AGFG1: variants seen among roughly 807,000 people sequenced by gnomAD.
AGFG1 encodes the protein arf-GAP domain and FG repeat-containing protein 1.
A neutral mutation model predicts 60.6 loss-of-function variants in AGFG1; 10 were observed. That is an observed-to-expected ratio of 0.16 (90% CI 0.10 to 0.28). The LOEUF (loss-of-function observed/expected upper bound fraction) is 0.28, where lower values mean the gene tolerates loss of function less well. AGFG1 is among the 10% of genes least tolerant of loss of function. AGFG1 has a pLI of 1.00. For synonymous variants in AGFG1, 247 were observed against 242.9 expected (o/e 1.02, Z -0.16); for missense variants, 537 against 676.5 (o/e 0.79, Z 2.29).
intron 10 of AGFG1, among the ~76,000 whole-genome samples, chr2:227,545,228 C>A (rs1692610047): frequency 6.6e-6 from 1 of 152,070 alleles, no homozygotes; most frequent in Non-Finnish European, 1.5e-5. Context: ...TCACTGGTAC[C>A]CTTTCTTCCA....
intron 10 of AGFG1, among the ~76,000 whole-genome samples, chr2:227,550,493 G>A (rs1692786508): frequency 1.3e-5 from 2 of 152,098 alleles, no homozygotes; most frequent in Admixed American, 1.3e-4. Context: ...GCTTTTAAGT[G>A]CTCTCTTAAA....
At chr2:227,477,682 T>G (rs560680082) in intron 1 of AGFG1, among the ~76,000 whole-genome samples, 2 of 152,246 alleles carry the variant, frequency 1.3e-5, no homozygotes, top group Admixed American at 1.3e-4. Context: ...CTCACCTCAC[T>G]GCAACCTCCA....
chr2:227,504,290 T>C (rs1691247788), intron 2 of AGFG1, among the ~76,000 whole-genome samples: 1 of 151,596 alleles, frequency 6.6e-6, no homozygotes, highest in African/African-American at 2.4e-5. Flanking sequence ...CTTCCTGGGC[T>C]CAGGTGACTC....
At chr2:227,518,924 G>A (rs1381531105) in intron 2 of AGFG1, among the ~76,000 whole-genome samples, 2 of 152,156 alleles carry the variant, frequency 1.3e-5, no homozygotes, top group Non-Finnish European at 2.9e-5. Context: ...TGTAATCCCA[G>A]CACTTTGGGA....
At chr2:227,497,361 T>G (rs1691005138) in intron 2 of AGFG1, among the ~76,000 whole-genome samples, 1 of 152,162 alleles carries the variant, frequency 6.6e-6, no homozygotes, top group South Asian at 2.1e-4. Flanking sequence ...AGCAGAAATG[T>G]TTTAACTACA....
chr2:227,489,746 G>C (rs1200464245), intron 1 of AGFG1, among the ~76,000 whole-genome samples: 1 of 152,074 alleles, frequency 6.6e-6, no homozygotes, highest in Non-Finnish European at 1.5e-5. Flanking sequence ...ACATTTATCT[G>C]TGACAAGGGG....
chr2:227,528,402 A>C (rs1465930480), intron 5 of AGFG1, among the ~76,000 whole-genome samples: 2 of 152,104 alleles, frequency 1.3e-5, no homozygotes, highest in Non-Finnish European at 2.9e-5. Context: ...CCCAGAAAAC[A>C]TGGAGAACCT....
intron 3 of AGFG1, among the ~76,000 whole-genome samples, chr2:227,523,239 A>G (rs941326113): frequency 6.6e-6 from 1 of 152,166 alleles, no homozygotes; most frequent in African/African-American, 2.4e-5. Context: ...AAGTGTTTTC[A>G]TTTTTGTGTC....
In AGFG1 at chr2:227,531,186, T is replaced by A. The variant is rs145098784; in HGVS notation, c.790T>A (p.Ser264Thr). Residue 264 changes from serine (S) to threonine (T), a missense_variant, in exon 6 of 13, where the codon TCT becomes ACT. Physicochemically the swap from Ser to Thr is moderately conservative, Grantham distance 58 (BLOSUM62 1). Coordinates refer to ENST00000310078, the MANE Select transcript of AGFG1 (RefSeq NM_004504.5). ...NFGGFPTASHSPFQPQTTGGS... is the reference protein window; with the variant it reads ...NFGGFPTASHTPFQPQTTGGS... ...TGGAGGTTTCCCCACAGCAAGTCAC[T>A]CTCCTTTTCAGCCCCAAACTACAGG... The A allele has an allele frequency of 7.0e-4, 1,131 of 1,613,710 alleles. 2 individuals carry two copies. Among genetic ancestry groups the A allele is most frequent in the Non-Finnish European group, 9.2e-4 (1,083 of 1,179,788 alleles).
At position 227,531,136 on chromosome 2, in the gene AGFG1, G is replaced by A; in HGVS notation, c.740G>A (p.Gly247Glu). The A allele has an allele frequency of 6.2e-7, 1 of 1,613,496 alleles. No individual in the cohort carries two copies. The highest frequency in any genetic ancestry group is 1.1e-5 in the South Asian group (1 of 91,010). ...NADFANFDAF[G>E]QSSGSSNFGG... The stretch of plus-strand genomic sequence containing the variant: ...GATTTTGCAAACTTTGATGCATTTG[G>A]ACAGTCTAGTGGTTCGAGTAATTTT... The change falls in exon 6 of 13, where the codon GGA becomes GAA. Residue 247 changes from glycine (G) to glutamate (E), a missense_variant. Around this residue, in one of 4 missense-constraint regions of AGFG1, gnomAD observed 287 missense variants for 343.6 expected, o/e 0.84. Coordinates refer to ENST00000310078, the MANE Select transcript of AGFG1 (RefSeq NM_004504.5).
rs369466398 is a variant in AGFG1, at chr2:227,508,442, C to G, written c.262-11506C>G. 16 of 288,940 alleles carry G rather than the reference C, an allele frequency of 5.5e-5. No homozygotes were observed. In the East Asian group the frequency reaches 1.2e-3, roughly 22 times the overall value. 17.9% of individuals were successfully genotyped at this position (288,940 alleles called of 1,614,324 possible). On this transcript the variant is annotated intron_variant, in intron 2 of 12. Coordinates refer to ENST00000310078, the MANE Select transcript of AGFG1 (RefSeq NM_004504.5). ...GGTTATATGACCAAACAAGCTAGCC[C>G]TCTTCTGCTACTCCCTTGCTCAACT...
chr2:227,509,890 C>T (rs1039634841), intron 2 of AGFG1, among the ~76,000 whole-genome samples: 1 of 151,992 alleles, frequency 6.6e-6, no homozygotes. Flanking sequence ...TGGAAGAAGT[C>T]ACAAAGTAAA....
intron 2 of AGFG1, among the ~76,000 whole-genome samples, chr2:227,494,763 G>T (rs1690926688): frequency 6.6e-6 from 1 of 152,170 alleles, no homozygotes; most frequent in Non-Finnish European, 1.5e-5. Context: ...CTTAATACTT[G>T]CATTGTAGTT....
intron 2 of AGFG1, among the ~76,000 whole-genome samples, chr2:227,495,545 CA>C (rs1215021284): frequency 0.053 from 4,759 of 90,068 alleles, 85 homozygotes; most frequent in Middle Eastern, 0.2. Flanking sequence ...GATACTGTCT[CA>C]AAAAAAAAAA....
Position 227,554,707 on chromosome 2 carries a change from C to CGGTA in AGFG1, c.*213_*216dup. On this transcript the variant is annotated 3_prime_UTR_variant, in exon 13 of 13. Transcript: ENST00000310078. ...CCTGTGAATTGGCAGAAAAGGGTAG[C>CGGTA]GGTATCATGTATATTAAAATTGGCT... 2.2e-6 allele frequency: 1 copy of CGGTA among 455,046 alleles called. No homozygotes were observed. Among genetic ancestry groups the CGGTA allele is most frequent in the Non-Finnish European group, 3.9e-6 (1 of 255,888 alleles). The allele number at this position is 455,046 out of a possible 1,614,324, so 28.2% of individuals were successfully genotyped here.
intron 2 of AGFG1, among the ~76,000 whole-genome samples, chr2:227,505,948 T>C (rs562730493): frequency 5.3e-5 from 8 of 152,282 alleles, no homozygotes; most frequent in African/African-American, 1.9e-4. Flanking sequence ...TTCACTGTCT[T>C]GGCCAGGCTG....
At chr2:227,487,536 C>G (rs80252209) in intron 1 of AGFG1, among the ~76,000 whole-genome samples, 7,568 of 152,166 alleles carry the variant, frequency 0.05, 244 homozygotes, top group African/African-American at 0.075. Context: ...TGAAGTGTTT[C>G]TGATGTTTTC....
chr2:227,494,109 G>A (rs1409551948), intron 2 of AGFG1, among the ~76,000 whole-genome samples: 2 of 152,160 alleles, frequency 1.3e-5, no homozygotes, highest in African/African-American at 4.8e-5. Context: ...CCAAAATAAT[G>A]GACAGGTATG....
rs1423726724 is a variant in AGFG1 at position 227,560,641 on chromosome 2, T to TA, written c.*6147dup. The TA allele has an allele frequency of 6.6e-6, 1 of 152,162 alleles. No individual in the cohort carries two copies. The highest frequency in any genetic ancestry group is 1.9e-4 in the East Asian group (1 of 5,202). 9.4% of individuals were successfully genotyped at this position (152,162 alleles called of 1,614,324 possible). A position where few individuals can be genotyped will look rare whatever the true frequency, so the allele number is the denominator to read the frequency against. ...GTGCCTTTCCTTATCTACATTAGCT[T>TA]AGACTATACCTTATTTTTAAGAAGA... On this transcript the variant is annotated 3_prime_UTR_variant, in exon 13 of 13. Coordinates refer to ENST00000310078, the MANE Select transcript of AGFG1 (RefSeq NM_004504.5).
Sources: gnomAD v4.1 joint callset for allele counts (sites outside exome capture counted in the v4.1 genomes callset) on GRCh38, gnomAD v4.1.1 for gene constraint, gnomAD v4.1.1 regional missense constraint, MANE v1.5 for transcripts, NCBI Gene and HGNC (gene_info 2026-07-23, HGNC 2026-07-21) for gene names.